The following VARS2 variants were observed in gnomAD, a reference collection of about 807,000 sequenced individuals.
The protein encoded by VARS2 is valyl-tRNA synthetase 2, mitochondrial.
Under a neutral mutation model 154.1 loss-of-function variants are expected in VARS2, and 105 were observed. That is an observed-to-expected ratio of 0.68 (90% confidence interval 0.58 to 0.80). VARS2 has a LOEUF of 0.80. Ranked by LOEUF, VARS2 falls within the 30% of genes least tolerant of loss-of-function variation. The probability of loss-of-function intolerance (pLI) is 0.00; values close to 1 mark genes in which losing one functional copy is unlikely to be tolerated. For synonymous variants in VARS2, 483 were observed against 539.5 expected (o/e 0.90, Z 1.45); for missense variants, 1,157 against 1,361.4 (o/e 0.85, Z 2.36).
In VARS2 at chr6:30,924,567, C is replaced by T; in HGVS notation, c.2673+7C>T. On this transcript the variant is annotated splice_region_variant and intron_variant, in intron 26 of 29. Coordinates refer to ENST00000676266, the MANE Select transcript of VARS2 (RefSeq NM_020442.6). ...CCCCAGCGCCTGCAGCTTGGTGAGT[C>T]CCAAGCACCTTGGAGTGGGTCTGTG... The T allele has an allele frequency of 2.0e-6, 3 of 1,506,154 alleles. No individual in the cohort carries two copies. The highest frequency in any genetic ancestry group is 2.7e-6 in the Non-Finnish European group (3 of 1,118,844). The allele number at this position is 1,506,154 out of a possible 1,614,324, so 93.3% of individuals were successfully genotyped here.
chr6:30,916,767 C>T lies in VARS2; in HGVS notation c.672-111C>T. On this transcript the variant is annotated intron_variant, in intron 7 of 29. Coordinates refer to ENST00000676266, the MANE Select transcript of VARS2 (RefSeq NM_020442.6). The surrounding 1 kb of genome is among the most constrained non-coding windows in gnomAD (Gnocchi z 4.0). ...TAGCCTCTAGAGGCTAGATCAATGC[C>T]ATCCTCACTTGATTTTCCTCCAACA... 4 of 1,048,926 alleles carry T rather than the reference C, an allele frequency of 3.8e-6. No individual in the cohort carries two copies. The highest frequency in any genetic ancestry group is 5.9e-6 in the Non-Finnish European group (4 of 675,440). 65.0% of individuals were successfully genotyped at this position (1,048,926 alleles called of 1,614,324 possible). A position where few individuals can be genotyped will look rare whatever the true frequency, so the allele number is the denominator to read the frequency against.
Position 30,920,388 on chromosome 6 carries a change from G to T in VARS2, c.1349G>T (p.Gly450Val). 6.2e-7 allele frequency: 1 copy of T among 1,612,878 alleles called. No individual in the cohort carries two copies. Among genetic ancestry groups the T allele is most frequent in the Non-Finnish European group, 8.5e-7 (1 of 1,179,416 alleles). The change falls in exon 14 of 30, where the codon GGC becomes GTC. Residue 450 changes from glycine to valine, a missense_variant. Gly to Val is a moderately radical substitution (Grantham distance 109). Transcript: ENST00000676266. The surrounding 1 kb of genome is among the most constrained non-coding windows in gnomAD (Gnocchi z 4.6). Reference sequence around the variant, plus strand: ...ATAATGTCTGTGCTGAGTGAATGGGGCCTGTTCCGGGGCCTCCAGAACCAC... The same window carrying T: ...ATAATGTCTGTGCTGAGTGAATGGGTCCTGTTCCGGGGCCTCCAGAACCAC... The part of the protein sequence containing the change: ...EKIMSVLSEW[G>V]LFRGLQNHPM...
At position 30,923,823 on chromosome 6, in the gene VARS2, C is replaced by T. The variant is rs182855119; in HGVS notation, c.2466+318C>T. On this transcript the variant is annotated intron_variant, in intron 25 of 29. Coordinates refer to ENST00000676266, the MANE Select transcript of VARS2 (RefSeq NM_020442.6). Reference sequence around the variant, plus strand: ...CTGAGTTTGGCCCATGGGCAGGCTGCGTGCTGAGAGAGGCCTGGGAGGGAC... The same window carrying T: ...CTGAGTTTGGCCCATGGGCAGGCTGTGTGCTGAGAGAGGCCTGGGAGGGAC... 78 of 424,526 alleles carry T rather than the reference C, an allele frequency of 1.8e-4. No homozygotes were observed. The East Asian group carries it at 1.9e-3, about 10-fold the overall frequency. The allele number at this position is 424,526 out of a possible 1,614,324, so 26.3% of individuals were successfully genotyped here. A position where few individuals can be genotyped will look rare whatever the true frequency, so the allele number is the denominator to read the frequency against.
In VARS2 at chr6:30,915,366, C is replaced by T. The variant is rs769133275; in HGVS notation, c.295C>T (p.Pro99Ser). The T allele has an allele frequency of 5.6e-6, 9 of 1,614,206 alleles. No homozygotes were observed. The highest frequency in any genetic ancestry group is 2.2e-5 in the East Asian group (1 of 44,890). ...KPGEKKDVSG[P>S]LPPAYSPRYV... ...CTCTGCCTTCACAGATGTCTCTGGGCCCCTGCCTCCTGCATACAGCCCCCG... is the reference window on the plus strand; with the variant it reads ...CTCTGCCTTCACAGATGTCTCTGGGTCCCTGCCTCCTGCATACAGCCCCCG... The change falls in exon 4 of 30, where the codon CCC (proline) becomes TCC (serine). Residue 99 changes from proline (P) to serine (S), a missense_variant. By Grantham distance (74) the Pro-to-Ser change is moderately conservative (BLOSUM62 -1). Transcript: ENST00000676266.
chr6:30,915,021 T>C lies in VARS2; in HGVS notation c.185T>C (p.Ile62Thr), dbSNP rs765011879. The change falls in exon 2 of 30, where the codon ATA (isoleucine) becomes ACA (threonine). Residue 62 changes from isoleucine to threonine, a missense_variant. Ile to Thr is a moderately conservative substitution (Grantham distance 89). Transcript: ENST00000676266. Reference sequence around the variant, plus strand: ...AAGCAGGCGACTCTGGAGGCTGAGATAGCAGGGGAGAGCAAGGTTAGGGGT... The same window carrying C: ...AAGCAGGCGACTCTGGAGGCTGAGACAGCAGGGGAGAGCAAGGTTAGGGGT... ...REKQATLEAE[I>T]AGESKSPAES... 2.5e-5 allele frequency: 40 copies of C among 1,613,428 alleles called. No individual in the cohort carries two copies. The highest frequency in any genetic ancestry group is 3.4e-5 in the Non-Finnish European group (40 of 1,179,998).
intron 20 of VARS2, 96 bp from the exon 21 acceptor site, chr6:30,922,354 A>G (rs1446033891): frequency 5.6e-6 from 9 of 1,598,810 alleles, no homozygotes; most frequent in Non-Finnish European, 7.7e-6. Flanking sequence ...CCTTTTTCCT[A>G]ATTCACTTCC....
chr6:30,922,770 C>T lies in VARS2; in HGVS notation c.2102C>T (p.Ala701Val). Residue 701 changes from alanine to valine, a missense_variant, in exon 22 of 30, where the codon GCA becomes GTA. Ala to Val is a moderately conservative substitution (Grantham distance 64). Transcript: ENST00000676266. ...GCAGAGCTGGCCATTGTGGCTGCAGCACAGGTGAGTCATCGCTGCCTGCCC... is the reference window on the plus strand; with the variant it reads ...GCAGAGCTGGCCATTGTGGCTGCAGTACAGGTGAGTCATCGCTGCCTGCCC... The part of the protein sequence containing the change: ...DPAELAIVAA[A>V]QKKDFPHGIP... 1 of 1,610,246 alleles carries T rather than the reference C, an allele frequency of 6.2e-7. No homozygotes were observed. Among genetic ancestry groups the T allele is most frequent in the Non-Finnish European group, 8.5e-7 (1 of 1,178,070 alleles).
In VARS2 at chr6:30,921,374, G is replaced by T; in HGVS notation, c.1632+69G>T. 5.7e-6 allele frequency: 9 copies of T among 1,582,952 alleles called. No individual in the cohort carries two copies. The highest frequency in any genetic ancestry group is 1.1e-5 in the South Asian group (1 of 89,942). ...CACCTAGCCCAGGAGTCAGAGCTCC[G>T]CAGGGCCAAGTCCCGCTCCTGCCTG... On this transcript the variant is annotated intron_variant, in intron 17 of 29. Coordinates refer to ENST00000676266, the MANE Select transcript of VARS2 (RefSeq NM_020442.6). This position sits in a 1 kb window ranked among gnomAD's most constrained non-coding sequence, Gnocchi z 4.6.
chr6:30,914,593 C>A, intron 1 of VARS2: 1 of 1,261,822 alleles, frequency 7.9e-7, no homozygotes, highest in Non-Finnish European at 1.1e-6. Flanking sequence ...AATCCAGACA[C>A]TCCGGCCCTG....
Position 30,917,012 on chromosome 6 carries a change from T to C in VARS2, c.753+53T>C. 2 of 1,613,428 alleles carry C rather than the reference T, an allele frequency of 1.2e-6. No individual in the cohort carries two copies. Among genetic ancestry groups the C allele is most frequent in the Non-Finnish European group, 8.5e-7 (1 of 1,179,394 alleles). On this transcript the variant is annotated intron_variant, in intron 8 of 29. Transcript: ENST00000676266. The surrounding 1 kb of genome is among the most constrained non-coding windows in gnomAD (Gnocchi z 4.4). ...GAGTGATGGGCGATGTTTAGGGATC[T>C]GTGTGGGGCAGGGAGGAAGCAATGC...
Position 30,921,366 on chromosome 6 carries a change from A to ACCGT in VARS2, c.1632+61_1632+62insCCGT. On this transcript the variant is annotated intron_variant, in intron 17 of 29. Transcript: ENST00000676266. This position sits in a 1 kb window ranked among gnomAD's most constrained non-coding sequence, Gnocchi z 4.6. Reference sequence around the variant, plus strand: ...GCACAGAGCACCTAGCCCAGGAGTCAGAGCTCCGCAGGGCCAAGTCCCGCT... The same window carrying ACCGT: ...GCACAGAGCACCTAGCCCAGGAGTCACCGTGAGCTCCGCAGGGCCAAGTCCCGCT... The ACCGT allele has an allele frequency of 6.3e-7, 1 of 1,597,872 alleles. No individual in the cohort carries two copies. Among genetic ancestry groups the ACCGT allele is most frequent in the Non-Finnish European group, 8.6e-7 (1 of 1,166,612 alleles).
Position 30,916,020 on chromosome 6 carries a change from T to C in VARS2, c.546T>C (p.Gly182=), listed in dbSNP as rs1446957167. ...GGGATCAAGTGCTGTGGGTCCCTGG[T>C]TCAGATCATGCAGGAATTGCTACAC... The part of the protein sequence containing the change: ...MRGDQVLWVP[G]SDHAGIATQA... Residue 182 remains glycine (G), a synonymous_variant, in exon 6 of 30, where the codon GGT becomes GGC. Coordinates refer to ENST00000676266, the MANE Select transcript of VARS2 (RefSeq NM_020442.6). This position sits in a 1 kb window ranked among gnomAD's most constrained non-coding sequence, Gnocchi z 4.0. 6 of 1,613,858 alleles carry C rather than the reference T, an allele frequency of 3.7e-6. No individual in the cohort carries two copies. The Admixed American group carries it at 1.0e-4, about 27-fold the overall frequency.
At position 30,917,539 on chromosome 6, in the gene VARS2, T is replaced by C. The variant is rs1465758890; in HGVS notation, c.874-156T>C. Among the ~76,000 whole-genome samples, 2 of 152,254 alleles carry C rather than the reference T, an allele frequency of 1.3e-5. No homozygotes were observed. Among genetic ancestry groups the C allele is most frequent in the Admixed American group, 1.3e-4 (2 of 15,292 alleles). On this transcript the variant is annotated intron_variant, in intron 9 of 29. Transcript: ENST00000676266. This position sits in a 1 kb window ranked among gnomAD's most constrained non-coding sequence, Gnocchi z 4.4. Reference sequence around the variant, plus strand: ...TATTAGAAGTGTGACTGCACGAGCATTGGGTGAGGGCAGAGGGAGGTAGCT... The same window carrying C: ...TATTAGAAGTGTGACTGCACGAGCACTGGGTGAGGGCAGAGGGAGGTAGCT...
Position 30,919,730 on chromosome 6 carries a change from G to A in VARS2, c.1075-28G>A, listed in dbSNP as rs757798229. On this transcript the variant is annotated intron_variant, in intron 11 of 29. Transcript: ENST00000676266. The surrounding 1 kb of genome is among the most constrained non-coding windows in gnomAD (Gnocchi z 4.5). The stretch of plus-strand genomic sequence containing the variant: ...ACCCTTCCAACCCTCACAGGTGCCT[G>A]TCCTTGATCCCTCTCCCTTCCCTTC... 6.6e-7 allele frequency: 1 copy of A among 1,523,818 alleles called. No homozygotes were observed. The highest frequency in any genetic ancestry group is 8.8e-7 in the Non-Finnish European group (1 of 1,130,084). 94.4% of individuals were successfully genotyped at this position (1,523,818 alleles called of 1,614,324 possible). A position where few individuals can be genotyped will look rare whatever the true frequency, so the allele number is the denominator to read the frequency against.
chr6:30,915,916 G>A (rs1794132448), intron 5 of VARS2, 49 bp downstream of exon 5: 1 of 1,614,024 alleles, frequency 6.2e-7, no homozygotes, highest in Admixed American at 1.7e-5. Context: ...GAAATAGGAA[G>A]GGCAGGAATG....
At chr6:30,915,656 T>C (rs963743931) in intron 4 of VARS2, 90 bp from the exon 5 acceptor site, 9 of 1,572,300 alleles carry the variant, frequency 5.7e-6, no homozygotes, top group African/African-American at 1.4e-5. Flanking sequence ...CAGTTCTTCC[T>C]TGAAGTTCTT....
chr6:30,920,978 A>G lies in VARS2; in HGVS notation c.1480-87A>G. 7.1e-7 allele frequency: 1 copy of G among 1,400,854 alleles called. No individual in the cohort carries two copies. The highest frequency in any genetic ancestry group is 9.6e-7 in the Non-Finnish European group (1 of 1,040,006). The allele number at this position is 1,400,854 out of a possible 1,614,324, so 86.8% of individuals were successfully genotyped here. A position where few individuals can be genotyped will look rare whatever the true frequency, so the allele number is the denominator to read the frequency against. ...CTTGGGAGGTCCTTTCTGAGTTTTA[A>G]AATGACCTCAGAGGCCACTCGTCCT... On this transcript the variant is annotated intron_variant, in intron 15 of 29. Coordinates refer to ENST00000676266, the MANE Select transcript of VARS2 (RefSeq NM_020442.6). This position sits in a 1 kb window ranked among gnomAD's most constrained non-coding sequence, Gnocchi z 4.6.
chr6:30,916,596 C>T lies in VARS2; in HGVS notation c.672-282C>T. The T allele has an allele frequency of 2.0e-6, 1 of 505,566 alleles. No homozygotes were observed. The highest frequency in any genetic ancestry group is 3.5e-6 in the Non-Finnish European group (1 of 288,302). 31.3% of individuals were successfully genotyped at this position (505,566 alleles called of 1,614,324 possible). On this transcript the variant is annotated intron_variant, in intron 7 of 29. Coordinates refer to ENST00000676266, the MANE Select transcript of VARS2 (RefSeq NM_020442.6). The surrounding 1 kb of genome is among the most constrained non-coding windows in gnomAD (Gnocchi z 4.0). Reference sequence around the variant, plus strand: ...CAATTCCCATGGAATTACCCTCATTCTTCTGGGTCTGTTATCTCATGCCAT... The same window carrying T: ...CAATTCCCATGGAATTACCCTCATTTTTCTGGGTCTGTTATCTCATGCCAT...
intron 29 of VARS2, 44 bp from the exon 30 acceptor site, chr6:30,926,065 G>C: frequency 6.2e-7 from 1 of 1,612,862 alleles, no homozygotes; most frequent in Non-Finnish European, 8.5e-7. Flanking sequence ...TGGGCCAGGA[G>C]GGGCCTCATT....
Sources: allele counts gnomAD v4.1 joint callset (sites outside exome capture counted in the v4.1 genomes callset), GRCh38; gene constraint gnomAD v4.1.1; non-coding constraint Gnocchi (gnomAD v3.1); transcripts MANE v1.5; gene names NCBI Gene and HGNC (gene_info 2026-07-23, HGNC 2026-07-21).